Variants in FOXP1 observed in about 807,000 individuals in gnomAD.
FOXP1 encodes forkhead box protein P1.
A neutral mutation model predicts 98.2 loss-of-function variants in FOXP1; 15 were observed. The observed-to-expected ratio is 0.15, with a 90% CI of 0.10 to 0.24. FOXP1 has a LOEUF of 0.24. Among genes scored for constraint, FOXP1 ranks in the 10% least tolerant of loss-of-function variants. The pLI, the probability that FOXP1 is intolerant of heterozygous loss-of-function variation, is 1.00. For missense variants in FOXP1, 633 were observed against 848.5 expected (o/e 0.75, Z 3.15); for synonymous variants, 371 against 314.5 (o/e 1.18, Z -1.90).
chr3:71,137,622 T>A (rs563164181), intron 6 of FOXP1, among the ~76,000 whole-genome samples: 23 of 152,140 alleles, frequency 1.5e-4, no homozygotes, highest in Non-Finnish European at 3.2e-4. Flanking sequence ...TCAAAGCTCA[T>A]GCAGCTCCTC....
At chr3:71,280,575 C>T (rs1471134967) in intron 5 of FOXP1, among the ~76,000 whole-genome samples, 3 of 152,046 alleles carry the variant, frequency 2.0e-5, no homozygotes, top group Non-Finnish European at 1.5e-5. Flanking sequence ...CCACCTGCCT[C>T]GGCCTCCCAA....
At chr3:71,406,051 C>A (rs1045454747) in intron 3 of FOXP1, among the ~76,000 whole-genome samples, 1 of 152,018 alleles carries the variant, frequency 6.6e-6, no homozygotes, top group African/African-American at 2.4e-5. Context: ...CTTTTTAAAG[C>A]TTTTCACTCC....
chr3:71,268,685 C>T (rs2107272317), intron 5 of FOXP1, among the ~76,000 whole-genome samples: 1 of 152,178 alleles, frequency 6.6e-6, no homozygotes, highest in Middle Eastern at 3.4e-3. Context: ...TGATTCTGTC[C>T]CTTGTGACAT....
chr3:71,108,933 C>T (rs2057677255), intron 7 of FOXP1, among the ~76,000 whole-genome samples: 1 of 152,204 alleles, frequency 6.6e-6, no homozygotes, highest in African/African-American at 2.4e-5. Flanking sequence ...GAAATGTTCA[C>T]CAACTTGCAC....
intron 3 of FOXP1, among the ~76,000 whole-genome samples, chr3:71,493,076 A>T (rs1489441717): frequency 6.6e-6 from 1 of 151,516 alleles, no homozygotes; most frequent in African/African-American, 2.4e-5. Context: ...AAGATGAAAA[A>T]ATTGTTGTCT....
At chr3:71,493,312 A>T (rs1443586987) in intron 3 of FOXP1, 114 bp downstream of exon 3, 1 of 152,174 alleles carries the variant, frequency 6.6e-6, no homozygotes, top group Non-Finnish European at 1.5e-5. Context: ...ACAATGACAG[A>T]GTTTGTCCCT....
chr3:71,446,767 C>T (rs147513815), intron 3 of FOXP1, among the ~76,000 whole-genome samples: 292 of 152,360 alleles, frequency 1.9e-3, no homozygotes, highest in South Asian at 3.5e-3. Flanking sequence ...AGGTTTAAAT[C>T]ATTGAAGGGA....
At chr3:71,546,842 C>T (rs2045400826) in intron 2 of FOXP1, among the ~76,000 whole-genome samples, 1 of 152,204 alleles carries the variant, frequency 6.6e-6, no homozygotes, top group South Asian at 2.1e-4. Flanking sequence ...CTAATGGAGG[C>T]AAGCGCTGGC....
At chr3:71,097,125 T>C (rs1326050962) in intron 7 of FOXP1, among the ~76,000 whole-genome samples, 1 of 152,100 alleles carries the variant, frequency 6.6e-6, no homozygotes, top group African/African-American at 2.4e-5. Context: ...AACTGCATGA[T>C]CATATCCAGT....
In FOXP1 at chr3:70,955,173, G is replaced by A; in HGVS notation, c.*4074C>T. ...TCTTCTTTGTGCCTTTGGAAACGGA[G>A]TTCAGCTGGAATATGGAAAAGAGAG... On this transcript the variant is annotated 3_prime_UTR_variant, in exon 21 of 21. Transcript: ENST00000649528. The A allele has an allele frequency of 4.3e-6, 1 of 232,392 alleles. No homozygotes were observed. Among genetic ancestry groups the A allele is most frequent in the Non-Finnish European group, 8.5e-6 (1 of 117,552 alleles). The allele number at this position is 232,392 out of a possible 1,614,324, so 14.4% of individuals were successfully genotyped here.
At chr3:71,376,437 A>C (rs2079715802) in intron 3 of FOXP1, among the ~76,000 whole-genome samples, 1 of 152,214 alleles carries the variant, frequency 6.6e-6, no homozygotes, top group Non-Finnish European at 1.5e-5. Context: ...AATCTATCTT[A>C]AAATTACCAG....
At chr3:70,963,690 C>G (rs547905299) in intron 20 of FOXP1, among the ~76,000 whole-genome samples, 1 of 152,262 alleles carries the variant, frequency 6.6e-6, no homozygotes, top group African/African-American at 2.4e-5. Context: ...AGCTGACTGG[C>G]GTTTAAAGGC....
chr3:71,177,726 C>G (rs1408361487), intron 6 of FOXP1, among the ~76,000 whole-genome samples: 1 of 151,950 alleles, frequency 6.6e-6, no homozygotes, highest in African/African-American at 2.4e-5. Flanking sequence ...AGGTACAGTA[C>G]TAAGCATGAG....
At chr3:71,468,271 T>C (rs2088977294) in intron 3 of FOXP1, among the ~76,000 whole-genome samples, 1 of 152,182 alleles carries the variant, frequency 6.6e-6, no homozygotes, top group African/African-American at 2.4e-5. Context: ...CAAAGGGTCA[T>C]CTAAGTCATT....
At chr3:71,266,073 CTAGCGCTGCAAAGATGG>C (rs1455206509) in intron 5 of FOXP1, among the ~76,000 whole-genome samples, 89 of 152,136 alleles carry the variant, frequency 5.9e-4, no homozygotes, top group Middle Eastern at 3.4e-3. Flanking sequence ...GAAGAATTTG[CTAGCGCTGCAAAGATGG>C]ATGAAGAGTT....
chr3:70,977,953 G>A lies in FOXP1; in HGVS notation c.1223C>T (p.Thr408Met), dbSNP rs1454411756. 8 of 1,614,046 alleles carry A rather than the reference G, an allele frequency of 5.0e-6. No homozygotes were observed. The highest frequency in any genetic ancestry group is 1.3e-5 in the African/African-American group (1 of 74,906). ...GGGAGTCAGGGGGGCGGTTGGGGTC[G>A]TTGGAGTATGAGGTAAGCTCTGTGG... ...ASPQSLPHTP[T>M]TPTAPLTPVT... Residue 408 changes from threonine to methionine, a missense_variant, in exon 15 of 21, where the codon ACG becomes ATG. By Grantham distance (81) the Thr-to-Met change is moderately conservative. Around this residue, in one of 6 missense-constraint regions of FOXP1, gnomAD observed 141 missense variants for 199.5 expected, o/e 0.71. Transcript: ENST00000649528.
At chr3:71,233,471 G>C (rs2066504332) in intron 5 of FOXP1, among the ~76,000 whole-genome samples, 1 of 152,028 alleles carries the variant, frequency 6.6e-6, no homozygotes, top group South Asian at 2.1e-4. Flanking sequence ...TTGTCACCCA[G>C]GCTAGAGTGC....
intron 4 of FOXP1, among the ~76,000 whole-genome samples, chr3:71,339,475 C>T (rs542916967): frequency 2.6e-5 from 4 of 152,354 alleles, no homozygotes; most frequent in African/African-American, 7.2e-5. Flanking sequence ...GGAGTCTCCT[C>T]TCCTTGTTGT....
rs1041634224 is a variant in FOXP1 at position 71,541,918 on chromosome 3, T to C, written c.-298+39631A>G. On this transcript the variant is annotated intron_variant, in intron 2 of 20. Transcript: ENST00000649528. ...GGACTCAAAAGTCAACACTCGAGGT[T>C]TGACTCTGGTCAAACTACTCCTTTG... is the stretch of plus-strand genomic sequence containing the variant. 15 of 510,392 alleles carry C rather than the reference T, an allele frequency of 2.9e-5. No homozygotes were observed. In the African/African-American group the frequency reaches 3.0e-4, roughly 10 times the overall value. 31.6% of individuals were successfully genotyped at this position (510,392 alleles called of 1,614,324 possible). A position where few individuals can be genotyped will look rare whatever the true frequency, so the allele number is the denominator to read the frequency against.
Sources: gnomAD v4.1 joint callset for allele counts (sites outside exome capture counted in the v4.1 genomes callset) on GRCh38, gnomAD v4.1.1 for gene constraint, gnomAD v4.1.1 regional missense constraint, MANE v1.5 for transcripts, NCBI Gene and HGNC (gene_info 2026-07-23, HGNC 2026-07-21) for gene names.